Variants in CPNE5 observed in about 807,000 individuals in gnomAD.
CPNE5 encodes copine-5.
CPNE5 carries 42 observed loss-of-function variants against 81.1 expected under a neutral mutation model. The observed-to-expected ratio is 0.52, with a 90% CI of 0.40 to 0.67. The LOEUF (loss-of-function observed/expected upper bound fraction) is 0.67. Ranked by LOEUF, CPNE5 falls within the 30% of genes least tolerant of loss-of-function variation. The pLI, the probability that CPNE5 is intolerant of heterozygous loss-of-function variation, is 0.00. For synonymous variants in CPNE5, 313 were observed against 321.5 expected, an observed-to-expected ratio of 0.97 and a Z score of 0.28; for missense variants, 612 against 815.5, an observed-to-expected ratio of 0.75 and a Z score of 3.04.
intron 1 of CPNE5, among the ~76,000 whole-genome samples, chr6:36,828,434 TC>T: frequency 1.5e-5 from 1 of 67,140 alleles, no homozygotes; most frequent in Admixed American, 1.5e-4. Flanking sequence ...CCTCAGGGAA[TC>T]CTCAGCCAGA....
In CPNE5 at chr6:36,829,358, G is replaced by A. The variant is rs182638902; in HGVS notation, c.96-6260C>T. Among the ~76,000 whole-genome samples, 155 of 152,180 alleles carry A rather than the reference G, an allele frequency of 1.0e-3. 1 individual carries two copies. The highest frequency in any genetic ancestry group is 1.3e-3 in the Admixed American group (20 of 15,286). On this transcript the variant is annotated intron_variant, in intron 1 of 20. Transcript: ENST00000244751. The stretch of plus-strand genomic sequence containing the variant: ...AAAAAATAAACAAAATTAGCCGGGT[G>A]TGGTGGTGTGTATCTGTAGTCCCAG...
At chr6:36,797,097 G>A (rs1378124383) in intron 6 of CPNE5, among the ~76,000 whole-genome samples, 1 of 152,216 alleles carries the variant, frequency 6.6e-6, no homozygotes, top group East Asian at 1.9e-4. Context: ...AGTAGAGACA[G>A]GGTTGCACCA....
chr6:36,794,476 C>T, intron 7 of CPNE5, 114 bp downstream of exon 7: 1 of 996,562 alleles, frequency 1.0e-6, no homozygotes. Context: ...GTCCCCGGAT[C>T]AGGGCCAAAT....
intron 14 of CPNE5, among the ~76,000 whole-genome samples, chr6:36,748,506 T>G (rs1305283587): frequency 6.6e-6 from 1 of 152,176 alleles, no homozygotes; most frequent in Non-Finnish European, 1.5e-5. Flanking sequence ...TTGAAGATGA[T>G]TGTGTTCTGT....
intron 1 of CPNE5, among the ~76,000 whole-genome samples, chr6:36,824,769 A>T (rs1169163080): frequency 6.6e-6 from 1 of 152,186 alleles, no homozygotes; most frequent in Non-Finnish European, 1.5e-5. Context: ...CAACATGGTG[A>T]AACCCATCTC....
chr6:36,762,813 C>T, intron 12 of CPNE5, 104 bp downstream of exon 12: 2 of 914,082 alleles, frequency 2.2e-6, no homozygotes, highest in South Asian at 2.8e-5. Context: ...CCCTTTCTCA[C>T]AGGAAAACAC....
intron 1 of CPNE5, among the ~76,000 whole-genome samples, chr6:36,836,465 C>A (rs921884044): frequency 2.0e-5 from 3 of 152,162 alleles, no homozygotes; most frequent in East Asian, 3.9e-4. Flanking sequence ...AACTCATAAT[C>A]TTCCCTGAAA....
At chr6:36,819,051 T>G (rs1224103687) in intron 3 of CPNE5, among the ~76,000 whole-genome samples, 1 of 152,232 alleles carries the variant, frequency 6.6e-6, no homozygotes, top group African/African-American at 2.4e-5. Flanking sequence ...CAGGGTGGAA[T>G]AGTAAACTTT....
chr6:36,803,958 A>G (rs1770360898), intron 3 of CPNE5, among the ~76,000 whole-genome samples: 1 of 152,216 alleles, frequency 6.6e-6, no homozygotes, highest in South Asian at 2.1e-4. Context: ...GAATGAGAAT[A>G]CAGCAGGAGG....
chr6:36,771,831 G>A (rs1032451123), intron 10 of CPNE5, among the ~76,000 whole-genome samples: 1 of 152,056 alleles, frequency 6.6e-6, no homozygotes, highest in African/African-American at 2.4e-5. Flanking sequence ...ACTGGGGCTG[G>A]GGGGCGGGGG....
chr6:36,794,566 G>A, intron 7 of CPNE5, 24 bp downstream of exon 7: 1 of 1,610,382 alleles, frequency 6.2e-7, no homozygotes, highest in Non-Finnish European at 8.5e-7. Context: ...AGGACTCCAG[G>A]GCCAGAGATG....
At chr6:36,828,012 A>T (rs1772655234) in intron 1 of CPNE5, among the ~76,000 whole-genome samples, 1 of 151,988 alleles carries the variant, frequency 6.6e-6, no homozygotes, top group Non-Finnish European at 1.5e-5. Flanking sequence ...TTGCGGAATC[A>T]TTTCCAATTC....
At chr6:36,802,134 G>T (rs1370907138) in intron 3 of CPNE5, among the ~76,000 whole-genome samples, 1 of 140,734 alleles carries the variant, frequency 7.1e-6, no homozygotes, top group East Asian at 2.2e-4. Context: ...CAGGAGAATC[G>T]CTTGAACCCA....
At chr6:36,829,706 G>T (rs1293823035) in intron 1 of CPNE5, among the ~76,000 whole-genome samples, 1 of 150,286 alleles carries the variant, frequency 6.7e-6, no homozygotes, top group Non-Finnish European at 1.5e-5. Context: ...CCAGCTACTC[G>T]GGAGGCTGAG....
At chr6:36,771,116 G>A (rs1025080843) in intron 10 of CPNE5, among the ~76,000 whole-genome samples, 1 of 152,080 alleles carries the variant, frequency 6.6e-6, no homozygotes, top group South Asian at 2.1e-4. Context: ...ATTAAAGCCA[G>A]AAGGACGTTA....
chr6:36,767,467 C>T (rs907408466), intron 10 of CPNE5, among the ~76,000 whole-genome samples: 3 of 152,212 alleles, frequency 2.0e-5, no homozygotes, highest in Non-Finnish European at 4.4e-5. Context: ...AAGACCAAGG[C>T]CCTGACTCCC....
chr6:36,758,731 G>T (rs1302149083), intron 12 of CPNE5, among the ~76,000 whole-genome samples: 1 of 152,156 alleles, frequency 6.6e-6, no homozygotes, highest in African/African-American at 2.4e-5. Flanking sequence ...AGAGGGAGGG[G>T]TTGGGGTGAC....
At chr6:36,767,046 G>A (rs1392253872) in intron 10 of CPNE5, among the ~76,000 whole-genome samples, 1 of 152,138 alleles carries the variant, frequency 6.6e-6, no homozygotes, top group Non-Finnish European at 1.5e-5. Context: ...AGTAGAGATG[G>A]GGTTTCACCA....
At chr6:36,839,482 T>C, upstream of CPNE5, 1 of 970,716 alleles carries the variant, frequency 1.0e-6, no homozygotes, top group South Asian at 1.9e-5. This position sits in a 1 kb window ranked among gnomAD's most constrained non-coding sequence, Gnocchi z 7.3. Context: ...GAGCCTGGGC[T>C]GGGCGGCAAG....
Sources: gnomAD v4.1 joint callset for allele counts (sites outside exome capture counted in the v4.1 genomes callset) on GRCh38, gnomAD v4.1.1 for gene constraint, Gnocchi (gnomAD v3.1) non-coding constraint, MANE v1.5 for transcripts, NCBI Gene and HGNC (gene_info 2026-07-23, HGNC 2026-07-21) for gene names.